The following STPG2 variants were observed in gnomAD, a reference collection of about 807,000 sequenced individuals.
The protein encoded by STPG2 is sperm-tail PG-rich repeat-containing protein 2.
STPG2 carries 56 observed loss-of-function variants against 54.2 expected under a neutral mutation model. The ratio of observed to expected loss-of-function variants is 1.03; its 90% CI spans 0.83 to 1.29. STPG2 has a LOEUF of 1.29. Among genes scored for constraint, STPG2 ranks in the 50% most tolerant of loss-of-function variants. STPG2 has a pLI of 0.00. For missense variants in STPG2, 596 were observed against 544.9 expected (o/e 1.09, Z -0.93); for synonymous variants, 200 against 181.8 (o/e 1.10, Z -0.81).
At chr4:97,447,678 T>C (rs570511061) in intron 4 of STPG2, among the ~76,000 whole-genome samples, 2 of 152,334 alleles carry the variant, frequency 1.3e-5, no homozygotes, top group African/African-American at 4.8e-5. Flanking sequence ...AAGTCAGGAA[T>C]TGCAGTTTGG....
intron 10 of STPG2, among the ~76,000 whole-genome samples, chr4:97,685,146 T>G (rs1723151119): frequency 6.6e-6 from 1 of 152,118 alleles, no homozygotes; most frequent in Admixed American, 6.5e-5. Flanking sequence ...ACAGCCACTT[T>G]AGAAGACAAT....
At chr4:97,695,317 C>A (rs913425758) in intron 10 of STPG2, among the ~76,000 whole-genome samples, 4 of 152,048 alleles carry the variant, frequency 2.6e-5, no homozygotes, top group African/African-American at 9.7e-5. Context: ...AAACCCTCAG[C>A]AAAATCAGCA....
At chr4:98,042,323 T>A (rs548375957) in intron 5 of STPG2, among the ~76,000 whole-genome samples, 5 of 152,038 alleles carry the variant, frequency 3.3e-5, no homozygotes, top group African/African-American at 1.2e-4. Flanking sequence ...TTCAATTTTA[T>A]ATAGTTCTAC....
At chr4:97,635,749 A>G (rs1721494597) in intron 10 of STPG2, among the ~76,000 whole-genome samples, 1 of 152,142 alleles carries the variant, frequency 6.6e-6, no homozygotes, top group Admixed American at 6.5e-5. Flanking sequence ...AAAGAAGGCC[A>G]TTACATAATG....
rs116230239 is a variant in STPG2, at chr4:97,891,207, A to C, written c.1045-50275T>G. On this transcript the variant is annotated intron_variant, in intron 8 of 10. Transcript: ENST00000295268. Reference sequence around the variant, plus strand: ...AGCAAAACCTACTTAAATGTCAAAAAAGTTATTACTTAATCTCACTTTGTG... The same window carrying C: ...AGCAAAACCTACTTAAATGTCAAAACAGTTATTACTTAATCTCACTTTGTG... 3.9e-3 allele frequency among the ~76,000 whole-genome samples: 596 copies of C among 152,208 alleles called. 4 individuals are homozygous for C. The highest frequency in any genetic ancestry group is 0.014 in the African/African-American group (569 of 41,578).
chr4:97,777,524 C>A (rs1306689489), intron 9 of STPG2, among the ~76,000 whole-genome samples: 2 of 152,160 alleles, frequency 1.3e-5, no homozygotes, highest in African/African-American at 4.8e-5. Flanking sequence ...AAGATTTTCC[C>A]AGCCATGTTG....
chr4:97,457,660 G>A (rs921486666), intron 4 of STPG2, among the ~76,000 whole-genome samples: 1 of 152,196 alleles, frequency 6.6e-6, no homozygotes, highest in Non-Finnish European at 1.5e-5. Flanking sequence ...ACATTTTAAT[G>A]TGCCTAAGTT....
intron 10 of STPG2, among the ~76,000 whole-genome samples, chr4:97,577,747 A>G (rs1213628317): frequency 1.3e-5 from 2 of 152,172 alleles, no homozygotes; most frequent in Non-Finnish European, 2.9e-5. Context: ...ATAAAAATAA[A>G]TAGTTCATCT....
At chr4:97,771,433 A>G (rs901420684) in intron 9 of STPG2, among the ~76,000 whole-genome samples, 1 of 152,146 alleles carries the variant, frequency 6.6e-6, no homozygotes, top group East Asian at 1.9e-4. Context: ...AGTGAAGTTC[A>G]GTCTACTGGA....
At chr4:97,745,420 T>C (rs1725394951) in intron 9 of STPG2, among the ~76,000 whole-genome samples, 1 of 151,108 alleles carries the variant, frequency 6.6e-6, no homozygotes, top group Non-Finnish European at 1.5e-5. Context: ...CCTTAAAAAC[T>C]AAAGATACTT....
At chr4:97,815,543 C>A (rs1258320073) in intron 9 of STPG2, among the ~76,000 whole-genome samples, 1 of 152,096 alleles carries the variant, frequency 6.6e-6, no homozygotes, top group South Asian at 2.1e-4. Context: ...TTTCTTTCCT[C>A]ACTCTCTTGT....
intron 4 of STPG2, among the ~76,000 whole-genome samples, chr4:97,511,410 A>G (rs1057240879): frequency 1.3e-5 from 2 of 152,092 alleles, no homozygotes; most frequent in African/African-American, 4.8e-5. Context: ...AAGAAAGTAA[A>G]ACAATCCTGA....
chr4:98,103,426 G>A (rs1739101722), intron 5 of STPG2, among the ~76,000 whole-genome samples: 2 of 152,110 alleles, frequency 1.3e-5, no homozygotes, highest in South Asian at 4.1e-4. Context: ...TGGATCACCT[G>A]AGGTCAGGAG....
intron 8 of STPG2, among the ~76,000 whole-genome samples, chr4:97,854,464 ATAATG>A (rs1448174166): frequency 6.7e-6 from 1 of 148,420 alleles, no homozygotes; most frequent in Admixed American, 6.7e-5. Context: ...ACAATATAAT[ATAATG>A]TATCATATAT....
intron 10 of STPG2, among the ~76,000 whole-genome samples, chr4:97,712,487 G>C (rs1425378245): frequency 6.6e-6 from 1 of 152,040 alleles, no homozygotes; most frequent in Non-Finnish European, 1.5e-5. Context: ...CATATTTAGA[G>C]ATAGAAAAGT....
At chr4:97,756,879 C>T (rs1025030326) in intron 9 of STPG2, among the ~76,000 whole-genome samples, 1 of 151,916 alleles carries the variant, frequency 6.6e-6, no homozygotes, top group Non-Finnish European at 1.5e-5. Flanking sequence ...TCTATGTGCT[C>T]ATCACTTTGA....
chr4:97,730,375 T>C (rs113465047), intron 9 of STPG2, among the ~76,000 whole-genome samples: 1,865 of 152,346 alleles, frequency 0.012, 35 homozygotes, highest in African/African-American at 0.043. Context: ...GGTATATATG[T>C]ACGACATTTT....
chr4:97,960,327 T>C lies in STPG2; in HGVS notation c.933+11953A>G, dbSNP rs913575671. Among the ~76,000 whole-genome samples, 24 of 152,224 alleles carry C rather than the reference T, an allele frequency of 1.6e-4. 1 individual carries two copies. Among genetic ancestry groups the C allele is most frequent in the Middle Eastern group, 6.8e-3 (2 of 294 alleles). On this transcript the variant is annotated intron_variant, in intron 7 of 10. Transcript: ENST00000295268. ...CTACTCTCACCACTTCTATTCAACA[T>C]AGTACTGGAAGTACTAGCCAGAGCA...
intron 5 of STPG2, among the ~76,000 whole-genome samples, chr4:98,004,729 C>T (rs1192281368): frequency 6.6e-6 from 1 of 152,082 alleles, no homozygotes; most frequent in Non-Finnish European, 1.5e-5. Context: ...TTCCATGTCA[C>T]TGATGATTAG....
Sources: allele counts gnomAD v4.1 joint callset (sites outside exome capture counted in the v4.1 genomes callset), GRCh38; gene constraint gnomAD v4.1.1; transcripts MANE v1.5; gene names NCBI Gene and HGNC (gene_info 2026-07-23, HGNC 2026-07-21).